CALCR: variants seen among roughly 807,000 people sequenced by gnomAD.
The protein encoded by CALCR is calcitonin receptor.
Under a neutral mutation model 59.5 loss-of-function variants are expected in CALCR, and 47 were observed. That is an observed-to-expected ratio of 0.79 (90% CI 0.63 to 1.01). CALCR has a LOEUF of 1.01. Among genes scored for constraint, CALCR ranks in the 50% least tolerant of loss-of-function variants. CALCR has a pLI of 0.00. For synonymous variants in CALCR, 213 were observed against 211.3 expected, an observed-to-expected ratio of 1.01 and a Z score of -0.07; for missense variants, 566 against 597.1, an observed-to-expected ratio of 0.95 and a Z score of 0.54.
At chr7:93,426,729 G>A in intron 13 of CALCR, 140 bp from the exon 14 acceptor site, 1 of 524,776 alleles carries the variant, frequency 1.9e-6, no homozygotes, top group Non-Finnish European at 3.3e-6. Context: ...GGCTGTGTAT[G>A]CTGTGGCCAC....
Position 93,510,156 on chromosome 7 carries a change from G to GA in CALCR, c.-26-23150_-26-23149insT, listed in dbSNP as rs1407442166. The stretch of plus-strand genomic sequence containing the variant: ...ATCAAAGCAGAACTCAGAGTAGAGT[G>GA]GTGGGTACTCGATAATTACTTACAT... On this transcript the variant is annotated intron_variant, in intron 2 of 13. Coordinates refer to ENST00000426151, the MANE Select transcript of CALCR (RefSeq NM_001742.4). Among the ~76,000 whole-genome samples, 78 of 152,138 alleles carry GA rather than the reference G, an allele frequency of 5.1e-4. 2 individuals carry two copies. In the South Asian group the frequency reaches 0.016, roughly 31 times the overall value.
At chr7:93,546,544 G>C (rs1789289850) in intron 2 of CALCR, among the ~76,000 whole-genome samples, 1 of 151,696 alleles carries the variant, frequency 6.6e-6, no homozygotes, top group African/African-American at 2.4e-5. Flanking sequence ...CTGGGCCCAT[G>C]AGTGAGTGAC....
intron 8 of CALCR, among the ~76,000 whole-genome samples, chr7:93,452,167 C>T (rs745850359): frequency 1.1e-4 from 17 of 151,948 alleles, no homozygotes; most frequent in Admixed American, 1.3e-4. Flanking sequence ...CATCTCTAAC[C>T]GAAGCCCAGG....
intron 2 of CALCR, among the ~76,000 whole-genome samples, chr7:93,515,979 TATAA>T (rs1801642336): frequency 6.8e-6 from 1 of 146,170 alleles, no homozygotes; most frequent in African/African-American, 2.7e-5. Flanking sequence ...AAATTAAAAA[TATAA>T]GAAAGCATTG....
intron 13 of CALCR, among the ~76,000 whole-genome samples, chr7:93,434,028 A>G (rs904099696): frequency 6.6e-6 from 1 of 152,192 alleles, no homozygotes; most frequent in African/African-American, 2.4e-5. Flanking sequence ...TCAAGATGCA[A>G]CCCAAGGAAA....
intron 2 of CALCR, among the ~76,000 whole-genome samples, chr7:93,542,149 G>A (rs1419500625): frequency 1.3e-5 from 2 of 152,034 alleles, no homozygotes; most frequent in African/African-American, 2.4e-5. Flanking sequence ...TCTGAGAAAC[G>A]CATCCTTGGG....
At chr7:93,554,557 A>G (rs1789542534) in intron 2 of CALCR, among the ~76,000 whole-genome samples, 1 of 151,918 alleles carries the variant, frequency 6.6e-6, no homozygotes, top group Non-Finnish European at 1.5e-5. Context: ...CAAGGTAGCT[A>G]AACCTACGGG....
At chr7:93,446,658 C>G (rs1379413349) in intron 8 of CALCR, among the ~76,000 whole-genome samples, 3 of 151,930 alleles carry the variant, frequency 2.0e-5, no homozygotes, top group Non-Finnish European at 4.4e-5. Context: ...AGGCATTAAA[C>G]AAAATGATGG....
At chr7:93,573,230 G>T (rs1250296755) in intron 2 of CALCR, among the ~76,000 whole-genome samples, 2 of 152,080 alleles carry the variant, frequency 1.3e-5, no homozygotes, top group East Asian at 1.9e-4. Flanking sequence ...TTCCTACTTT[G>T]TCCTTAATGG....
At chr7:93,532,948 A>G (rs544282870) in intron 2 of CALCR, among the ~76,000 whole-genome samples, 3 of 151,626 alleles carry the variant, frequency 2.0e-5, no homozygotes, top group Non-Finnish European at 2.9e-5. Context: ...GGATTGTGAC[A>G]AGTATAAAGT....
intron 3 of CALCR, among the ~76,000 whole-genome samples, chr7:93,482,061 C>T (rs1800809240): frequency 6.6e-6 from 1 of 151,740 alleles, no homozygotes. Context: ...AAATTATGAA[C>T]AATAAAGAAT....
chr7:93,497,949 T>C (rs959705534), intron 2 of CALCR, among the ~76,000 whole-genome samples: 13 of 151,564 alleles, frequency 8.6e-5, no homozygotes, highest in Non-Finnish European at 1.8e-4. Context: ...TAAGGGGAAA[T>C]GGCTAGAAAG....
intron 8 of CALCR, among the ~76,000 whole-genome samples, chr7:93,444,984 G>A (rs1416602283): frequency 6.6e-6 from 1 of 152,018 alleles, no homozygotes; most frequent in African/African-American, 2.4e-5. Flanking sequence ...AAAACCTGTT[G>A]TGCTGAGCCA....
chr7:93,513,734 G>T (rs1471868454), intron 2 of CALCR, among the ~76,000 whole-genome samples: 3 of 151,778 alleles, frequency 2.0e-5, no homozygotes, highest in African/African-American at 7.3e-5. Flanking sequence ...CTTCAAGGAG[G>T]TTAGGTCCAT....
At chr7:93,567,702 C>A (rs555841520) in intron 2 of CALCR, among the ~76,000 whole-genome samples, 7 of 151,470 alleles carry the variant, frequency 4.6e-5, no homozygotes, top group African/African-American at 1.7e-4. Context: ...CCTCCCCCAG[C>A]CCCCTGCCCC....
intron 6 of CALCR, among the ~76,000 whole-genome samples, chr7:93,470,258 TACACAC>T (rs60525647): frequency 1.4e-5 from 2 of 147,716 alleles, no homozygotes; most frequent in Non-Finnish European, 3.0e-5. Context: ...AGGAATCTTA[TACACAC>T]ACACACACAC....
chr7:93,472,850 C>T (rs998766196), intron 5 of CALCR, among the ~76,000 whole-genome samples: 6 of 151,754 alleles, frequency 4.0e-5, no homozygotes, highest in African/African-American at 1.2e-4. Context: ...TTTTAACAGA[C>T]ATTAAACTTT....
chr7:93,448,793 T>C (rs1162408779), intron 8 of CALCR, among the ~76,000 whole-genome samples: 1 of 152,004 alleles, frequency 6.6e-6, no homozygotes, highest in Non-Finnish European at 1.5e-5. Context: ...CACATTCTAC[T>C]TTATTCCAAC....
chr7:93,476,353 A>T (rs969764840), intron 5 of CALCR, among the ~76,000 whole-genome samples: 1 of 151,826 alleles, frequency 6.6e-6, no homozygotes, highest in Non-Finnish European at 1.5e-5. Context: ...CTGGCATTTC[A>T]TTAATGTGTT....
Sources: gnomAD v4.1 joint callset for allele counts (sites outside exome capture counted in the v4.1 genomes callset) on GRCh38, gnomAD v4.1.1 for gene constraint, MANE v1.5 for transcripts, NCBI Gene and HGNC (gene_info 2026-07-23, HGNC 2026-07-21) for gene names.